Variants in ABCC4 observed in about 807,000 individuals in gnomAD.
The protein encoded by ABCC4 is ATP-binding cassette sub-family C member 4.
In ABCC4, 102 loss-of-function variants were observed where a neutral mutation model predicts 168.5. The observed-to-expected ratio is 0.61, with a 90% CI of 0.52 to 0.71. The LOEUF (loss-of-function observed/expected upper bound fraction) is 0.71, where lower values mean the gene tolerates loss of function less well. Ranked by LOEUF, ABCC4 falls within the 30% of genes least tolerant of loss-of-function variation. ABCC4 has a pLI of 0.00. For missense variants in ABCC4, 1,402 were observed against 1,605.8 expected, an observed-to-expected ratio of 0.87 and a Z score of 2.17; for synonymous variants, 617 against 590.7, an observed-to-expected ratio of 1.04 and a Z score of -0.65.
chr13:95,240,292 G>A (rs146351917), intron 3 of ABCC4, among the ~76,000 whole-genome samples: 363 of 152,380 alleles, frequency 2.4e-3, no homozygotes, highest in Non-Finnish European at 3.8e-3. Context: ...AGCACTTTGA[G>A]AGGCTGAGGC....
At chr13:95,074,176 T>C (rs1240085426) in intron 23 of ABCC4, 38 bp downstream of exon 23, 21 of 1,472,600 alleles carry the variant, frequency 1.4e-5, no homozygotes, top group Non-Finnish European at 1.9e-5. Flanking sequence ...CTATAAATTG[T>C]AATCATACCA....
At chr13:95,140,477 T>G (rs767310929) in intron 19 of ABCC4, among the ~76,000 whole-genome samples, 2 of 152,228 alleles carry the variant, frequency 1.3e-5, no homozygotes, top group Non-Finnish European at 2.9e-5. Flanking sequence ...TCTTTACAGA[T>G]AGTTAAAAAG....
intron 13 of ABCC4, among the ~76,000 whole-genome samples, chr13:95,174,160 T>C (rs184687004): frequency 3.3e-5 from 5 of 152,348 alleles, no homozygotes; most frequent in African/African-American, 7.2e-5. Context: ...GGCAACAAAT[T>C]GGATTAGCAT....
At chr13:95,234,467 CTT>C in intron 4 of ABCC4, 141 bp downstream of exon 4, 1 of 616,478 alleles carries the variant, frequency 1.6e-6, no homozygotes, top group Non-Finnish European at 2.7e-6. Flanking sequence ...CTTCGTTTTT[CTT>C]TTTTTAGAGA....
intron 27 of ABCC4, among the ~76,000 whole-genome samples, chr13:95,045,056 T>C (rs2032519162): frequency 6.6e-6 from 1 of 152,144 alleles, no homozygotes; most frequent in African/African-American, 2.4e-5. Flanking sequence ...AAAAATCATA[T>C]CAGTGTCCCC....
intron 19 of ABCC4, among the ~76,000 whole-genome samples, chr13:95,142,151 C>CA: frequency 6.6e-6 from 1 of 152,268 alleles, no homozygotes; most frequent in South Asian, 2.1e-4. Context: ...TATAGCAGCA[C>CA]AATTTGCAAT....
At chr13:95,119,433 T>TGAGAGAGA (rs371638428) in intron 19 of ABCC4, among the ~76,000 whole-genome samples, 1 of 150,620 alleles carries the variant, frequency 6.6e-6, no homozygotes, top group African/African-American at 2.4e-5. Context: ...AATTTTCCTC[T>TGAGAGAGA]GAGAGAGAGA....
chr13:95,073,005 C>CA (rs560531339), intron 24 of ABCC4, among the ~76,000 whole-genome samples, 199 bp downstream of exon 24: 13 of 152,024 alleles, frequency 8.6e-5, no homozygotes, highest in Non-Finnish European at 1.8e-4. Flanking sequence ...AACCTGCTGA[C>CA]AGAGCAACCA....
intron 24 of ABCC4, 152 bp from the exon 25 acceptor site, chr13:95,072,005 GT>G (rs2033742979): frequency 2.0e-6 from 1 of 500,170 alleles, no homozygotes; most frequent in Non-Finnish European, 3.3e-6. Context: ...TACAAATTTG[GT>G]TCATCATTGT....
intron 13 of ABCC4, among the ~76,000 whole-genome samples, chr13:95,176,732 C>G (rs1210496729): frequency 1.3e-5 from 2 of 152,194 alleles, no homozygotes. Context: ...TCTGCAGGAG[C>G]ATCTACCTCA....
In ABCC4 at chr13:95,246,974, C is replaced by T; in HGVS notation, c.306+1G>A. The stretch of plus-strand genomic sequence containing the variant: ...AATTCATGGTATGTAAAAGCTTTTA[C>T]CTCAATTAACGTAAAAATTCCCAAA... On this transcript the variant is annotated splice_donor_variant, in intron 3 of 30. Transcript: ENST00000645237. LOFTEE classifies it high-confidence loss of function. The T allele has an allele frequency of 6.2e-7, 1 of 1,611,024 alleles. No homozygotes were observed. The highest frequency in any genetic ancestry group is 8.5e-7 in the Non-Finnish European group (1 of 1,178,624).
intron 19 of ABCC4, among the ~76,000 whole-genome samples, chr13:95,151,662 T>C (rs1330181188): frequency 6.6e-6 from 1 of 151,020 alleles, no homozygotes; most frequent in Non-Finnish European, 1.5e-5. Flanking sequence ...GAAGAAATCA[T>C]CATCATCATC....
intron 1 of ABCC4, among the ~76,000 whole-genome samples, chr13:95,256,453 T>C (rs1165795316): frequency 1.3e-5 from 2 of 152,216 alleles, no homozygotes; most frequent in African/African-American, 4.8e-5. Flanking sequence ...ATGTTGACTA[T>C]CCTCTGAAAA....
intron 4 of ABCC4, among the ~76,000 whole-genome samples, chr13:95,215,803 C>A (rs9516540): frequency 0.27 from 41,739 of 151,958 alleles, 6,102 homozygotes; most frequent in Non-Finnish European, 0.32. Context: ...TAATAATTTG[C>A]GAGTTATAGC....
chr13:95,105,303 T>A (rs2034964044), intron 20 of ABCC4, among the ~76,000 whole-genome samples: 1 of 151,994 alleles, frequency 6.6e-6, no homozygotes, highest in Non-Finnish European at 1.5e-5. Flanking sequence ...TGTTTTCTTG[T>A]CCACCGCTCA....
At chr13:95,085,209 C>G (rs1455705862) in intron 20 of ABCC4, among the ~76,000 whole-genome samples, 1 of 151,734 alleles carries the variant, frequency 6.6e-6, no homozygotes, top group Non-Finnish European at 1.5e-5. Context: ...GAGGCAGAGG[C>G]GGGTGGATCA....
In ABCC4 at chr13:95,034,626, G is replaced by A. The variant is rs147120244; in HGVS notation, c.3849C>T (p.Ala1283=). The A allele has an allele frequency of 3.9e-5, 63 of 1,614,042 alleles. No individual in the cohort carries two copies. In the African/African-American group the frequency reaches 6.9e-4, roughly 18 times the overall value. ...TCACCTGTTTTGCTGTTTCAGTGAG[G>A]GCAGCGGCTTCTGCCTTGCCCAGTT... ...VQQLGKAEAA[A]LTETAKQVYF... The change falls in exon 30 of 31, where the codon GCC becomes GCT. Residue 1283 remains alanine, a synonymous_variant. Transcript: ENST00000645237.
intron 1 of ABCC4, among the ~76,000 whole-genome samples, chr13:95,248,672 GC>G (rs1362649369): frequency 6.6e-6 from 1 of 152,050 alleles, no homozygotes; most frequent in African/African-American, 2.4e-5. Flanking sequence ...GCTTTGGGAG[GC>G]TGAGGAGGGA....
At position 95,301,280 on chromosome 13, in the gene ABCC4, G is replaced by A; in HGVS notation, c.35C>T (p.Pro12Leu). 1 of 1,596,496 alleles carries A rather than the reference G, an allele frequency of 6.3e-7. No individual in the cohort carries two copies. Among genetic ancestry groups the A allele is most frequent in the Non-Finnish European group, 8.5e-7 (1 of 1,172,142 alleles). ...LPVYQEVKPN[P>L]LQDANLCSRV... ...TGAGCAGAGGTTCGCGTCCTGCAGC[G>A]GGTTGGGCTTCACCTCCTGGTACAC... Residue 12 changes from proline to leucine, a missense_variant, in exon 1 of 31, where the codon CCG (proline) becomes CTG (leucine). By Grantham distance (98) the Pro-to-Leu change is moderately conservative. This residue lies in a region of ABCC4 where 317 missense variants were observed against 345.5 expected (regional missense o/e 0.92). Transcript: ENST00000645237.
Sources: gnomAD v4.1 joint callset for allele counts (sites outside exome capture counted in the v4.1 genomes callset) on GRCh38, gnomAD v4.1.1 for gene constraint, gnomAD v4.1.1 regional missense constraint, MANE v1.5 for transcripts, NCBI Gene and HGNC (gene_info 2026-07-23, HGNC 2026-07-21) for gene names.